KIF1B: variants seen among roughly 807,000 people sequenced by gnomAD.
KIF1B encodes the protein kinesin family member 1B, also known as kinesin-like protein KIF1B.
KIF1B carries 76 observed loss-of-function variants against 241.9 expected under a neutral mutation model. The observed-to-expected ratio is 0.31, with a 90% CI of 0.26 to 0.38. The LOEUF is 0.38. Among genes scored for constraint, KIF1B ranks in the 10% least tolerant of loss-of-function variants. The pLI, the probability that KIF1B is intolerant of heterozygous loss-of-function variation, is 1.00. For missense variants in KIF1B, 1,622 were observed against 2,271.4 expected (o/e 0.71, Z 5.81); for synonymous variants, 750 against 796.7 (o/e 0.94, Z 0.99).
chr1:10,276,800 G>A (rs1361784866), intron 12 of KIF1B, among the ~76,000 whole-genome samples: 1 of 152,168 alleles, frequency 6.6e-6, no homozygotes, highest in Non-Finnish European at 1.5e-5. Context: ...GCTGAAGTCG[G>A]CCAGGCGCAG....
At chr1:10,270,925 CAAAAA>C in intron 7 of KIF1B, among the ~76,000 whole-genome samples, 1 of 91,148 alleles carries the variant, frequency 1.1e-5, no homozygotes, top group African/African-American at 4.4e-5. Context: ...GACTCTGTCT[CAAAAA>C]AAAAAAAAAA....
At position 10,379,451 on chromosome 1, in the gene KIF1B, C is replaced by T. The variant is rs770413877; in HGVS notation, c.*2864C>T. 1 of 231,820 alleles carries T rather than the reference C, an allele frequency of 4.3e-6. No homozygotes were observed. Among genetic ancestry groups the T allele is most frequent in the Non-Finnish European group, 8.6e-6 (1 of 116,938 alleles). The allele number at this position is 231,820 out of a possible 1,614,324, so 14.4% of individuals were successfully genotyped here. A position where few individuals can be genotyped will look rare whatever the true frequency, so the allele number is the denominator to read the frequency against. ...GGTGCAGACAGCCTTTGCTGGTCCC[C>T]AGCACGTCCAGGGTGGGTGCTCCCT... On this transcript the variant is annotated 3_prime_UTR_variant, in exon 49 of 49. Transcript: ENST00000676179.
intron 34 of KIF1B, among the ~76,000 whole-genome samples, chr1:10,344,339 G>C (rs963203912): frequency 6.6e-6 from 1 of 152,128 alleles, no homozygotes; most frequent in South Asian, 2.1e-4. Flanking sequence ...ATCCTCAGGC[G>C]CTTGTCCTGA....
At chr1:10,341,720 A>G (rs1354967162) in intron 32 of KIF1B, among the ~76,000 whole-genome samples, 2 of 152,206 alleles carry the variant, frequency 1.3e-5, no homozygotes, top group Admixed American at 1.3e-4. Flanking sequence ...CCTGTAATCC[A>G]GCACTTTGGG....
At chr1:10,300,507 T>G (rs1650489401) in intron 22 of KIF1B, among the ~76,000 whole-genome samples, 1 of 151,998 alleles carries the variant, frequency 6.6e-6, no homozygotes, top group Non-Finnish European at 1.5e-5. Context: ...ATATTTTATT[T>G]TAGAGTTTAA....
rs145976424 is a variant in KIF1B at position 10,302,959 on chromosome 1, G to T, written c.2115+5713G>T. 8.5e-5 allele frequency among the ~76,000 whole-genome samples: 13 copies of T among 152,082 alleles called. 1 individual carries two copies. In the East Asian group the frequency reaches 2.3e-3, roughly 27 times the overall value. ...AAATAAGCAAATCTTTATATTGATA[G>T]AAATGTACATAGGCGTATGTCTTAA... is the stretch of plus-strand genomic sequence containing the variant. On this transcript the variant is annotated intron_variant, in intron 22 of 48. Transcript: ENST00000676179.
At chr1:10,275,976 G>T (rs1649082451) in intron 11 of KIF1B, among the ~76,000 whole-genome samples, 1 of 150,962 alleles carries the variant, frequency 6.6e-6, no homozygotes, top group South Asian at 2.1e-4. Context: ...TGCAATCTTG[G>T]CTCACTGCAG....
chr1:10,340,788 AAAAG>A (rs1230789645), intron 32 of KIF1B, among the ~76,000 whole-genome samples: 3 of 152,224 alleles, frequency 2.0e-5, no homozygotes, highest in African/African-American at 7.2e-5. Flanking sequence ...AAAAAAATAA[AAAAG>A]TAATAATAAA....
At chr1:10,369,646 T>TG (rs1245533941) in intron 44 of KIF1B, among the ~76,000 whole-genome samples, 2 of 151,864 alleles carry the variant, frequency 1.3e-5, no homozygotes, top group Non-Finnish European at 2.9e-5. Context: ...GATAACGGAC[T>TG]GGGGGGCTGG....
chr1:10,252,635 T>C (rs191607322), intron 2 of KIF1B, among the ~76,000 whole-genome samples: 42 of 151,508 alleles, frequency 2.8e-4, no homozygotes, highest in South Asian at 2.1e-4. Flanking sequence ...TGGTCTCAAA[T>C]TCCTGTACTC....
At chr1:10,249,795 C>T (rs1287078802) in intron 2 of KIF1B, among the ~76,000 whole-genome samples, 1 of 152,100 alleles carries the variant, frequency 6.6e-6, no homozygotes, top group East Asian at 1.9e-4. Context: ...CCCAGTCACT[C>T]AGGAGGCTGA....
At chr1:10,258,715 T>A in intron 4 of KIF1B, 43 bp downstream of exon 4, 2 of 1,587,204 alleles carry the variant, frequency 1.3e-6, no homozygotes, top group Non-Finnish European at 1.7e-6. Context: ...TCATTATTAG[T>A]GTTAGTCTTA....
rs1393612032 is a variant in KIF1B at position 10,381,124 on chromosome 1, TC to T, written c.*4538del. ...TGTGTTGTTCTTCATGTCTTCGAGT[TC>T]ATTTTTTTTCATTCTGCCTATTCTG... On this transcript the variant is annotated 3_prime_UTR_variant, in exon 49 of 49. Transcript: ENST00000676179. 1 of 221,328 alleles carries T rather than the reference TC, an allele frequency of 4.5e-6. No homozygotes were observed. The highest frequency in any genetic ancestry group is 6.6e-5 in the East Asian group (1 of 15,110). 13.7% of individuals were successfully genotyped at this position (221,328 alleles called of 1,614,324 possible). A position where few individuals can be genotyped will look rare whatever the true frequency, so the allele number is the denominator to read the frequency against.
intron 22 of KIF1B, among the ~76,000 whole-genome samples, chr1:10,316,739 C>A (rs1651321095): frequency 2.0e-5 from 3 of 151,500 alleles, no homozygotes; most frequent in Non-Finnish European, 4.4e-5. Context: ...TGGGCTCAAG[C>A]AGTTTGCCTG....
chr1:10,333,088 G>C (rs866569470), intron 27 of KIF1B, among the ~76,000 whole-genome samples: 4 of 150,866 alleles, frequency 2.7e-5, no homozygotes, highest in Non-Finnish European at 4.4e-5. Context: ...CTGGGATTAC[G>C]GGCATGAGCC....
chr1:10,335,714 A>G (rs1410574754), intron 28 of KIF1B, among the ~76,000 whole-genome samples: 1 of 151,690 alleles, frequency 6.6e-6, no homozygotes, highest in Non-Finnish European at 1.5e-5. Flanking sequence ...AAGCTGATAT[A>G]AGCTGATTGT....
At chr1:10,313,435 G>A (rs1348992382) in intron 22 of KIF1B, among the ~76,000 whole-genome samples, 4 of 151,046 alleles carry the variant, frequency 2.6e-5, no homozygotes, top group Non-Finnish European at 5.9e-5. Context: ...AACACTTCCT[G>A]ATACAAAATA....
rs138445217 is a variant in KIF1B at position 10,302,427 on chromosome 1, C to T, written c.2115+5181C>T. Among the ~76,000 whole-genome samples, 140 of 152,218 alleles carry T rather than the reference C, an allele frequency of 9.2e-4. 1 individual carries two copies. The highest frequency in any genetic ancestry group is 3.3e-3 in the African/African-American group (135 of 41,514). ...GCTCATGGAAAGATGATTTCCAAAC[C>T]CTCTTGTCTTACAGAAGAAAACATT... On this transcript the variant is annotated intron_variant, in intron 22 of 48. Transcript: ENST00000676179.
chr1:10,313,772 G>A (rs193159474), intron 22 of KIF1B, among the ~76,000 whole-genome samples: 2,875 of 150,942 alleles, frequency 0.019, 43 homozygotes, highest in Non-Finnish European at 0.028. Flanking sequence ...GGATGGTCTT[G>A]ATCTCCTGAC....
Sources: allele counts gnomAD v4.1 joint callset (sites outside exome capture counted in the v4.1 genomes callset), GRCh38; gene constraint gnomAD v4.1.1; transcripts MANE v1.5; gene names NCBI Gene and HGNC (gene_info 2026-07-23, HGNC 2026-07-21).